KRT8: variants seen among roughly 807,000 people sequenced by gnomAD.
KRT8 encodes keratin 8.
In KRT8, 24 loss-of-function variants were observed where a neutral mutation model predicts 43.0. That is an observed-to-expected ratio of 0.56 (90% CI 0.40 to 0.78). KRT8 has a LOEUF of 0.78. Ranked by LOEUF, KRT8 falls within the 30% of genes least tolerant of loss-of-function variation. KRT8 has a pLI of 0.00. For synonymous variants in KRT8, 214 were observed against 261.2 expected, an observed-to-expected ratio of 0.82 and a Z score of 1.74; for missense variants, 492 against 638.4, an observed-to-expected ratio of 0.77 and a Z score of 2.47.
At chr12:52,940,412 G>T (rs1296607247) in intron 2 of KRT8, among the ~76,000 whole-genome samples, 1 of 131,210 alleles carries the variant, frequency 7.6e-6, no homozygotes, top group East Asian at 2.3e-4. Context: ...CAGCCTGGGC[G>T]ACAGAGCAAG....
chr12:52,931,657 C>CATATATATATATATATATATATAT (rs34460731), intron 2 of KRT8, among the ~76,000 whole-genome samples: 4 of 147,160 alleles, frequency 2.7e-5, no homozygotes, highest in African/African-American at 1.0e-4. Context: ...ATTGGCTCCC[C>CATATATATATATATATATATATAT]ATATATATAT....
At chr12:52,939,090 AAAAAG>A (rs1942226001) in intron 2 of KRT8, among the ~76,000 whole-genome samples, 1 of 152,198 alleles carries the variant, frequency 6.6e-6, no homozygotes, top group Non-Finnish European at 1.5e-5. Context: ...GTATCTTAAA[AAAAAG>A]TAAAATAAAA....
intron 2 of KRT8, among the ~76,000 whole-genome samples, chr12:52,934,495 G>A (rs955759996): frequency 3.9e-5 from 6 of 152,188 alleles, no homozygotes; most frequent in African/African-American, 1.4e-4. Context: ...AGTAGGCAGA[G>A]GTTGGAGTGA....
At chr12:52,948,373 C>T (rs1942383101) in intron 2 of KRT8, 1 of 152,452 alleles carries the variant, frequency 6.6e-6, no homozygotes, top group Non-Finnish European at 1.5e-5. Flanking sequence ...ACTCCTGGGG[C>T]TCCAGGATGC....
chr12:52,914,405 C>A (rs930455723), intron 2 of KRT8, among the ~76,000 whole-genome samples: 2 of 151,986 alleles, frequency 1.3e-5, no homozygotes, highest in African/African-American at 4.8e-5. Flanking sequence ...AGTATGGTGG[C>A]GCATGCCTGT....
intron 2 of KRT8, among the ~76,000 whole-genome samples, chr12:52,919,937 C>T (rs146324198): frequency 7.2e-5 from 11 of 152,240 alleles, no homozygotes; most frequent in Admixed American, 4.6e-4. Context: ...CGTGAGCCAC[C>T]GCACCTATTA....
At position 52,898,450 on chromosome 12, in the gene KRT8, G is replaced by C. The variant is rs1305787530; in HGVS notation, c.1261+11C>G. On this transcript the variant is annotated intron_variant, in intron 7 of 7. Transcript: ENST00000692008. ...CCTCCCGCCCTCATCCCAGGGCCCT[G>C]GGACACCCACCTGCATAGCCGCTGG... 6.6e-7 allele frequency: 1 copy of C among 1,514,498 alleles called. No homozygotes were observed. Among genetic ancestry groups the C allele is most frequent in the African/African-American group, 1.4e-5 (1 of 73,954 alleles). 93.8% of individuals were successfully genotyped at this position (1,514,498 alleles called of 1,614,324 possible).
chr12:52,919,357 C>T (rs1369490375), intron 2 of KRT8, among the ~76,000 whole-genome samples: 1 of 152,128 alleles, frequency 6.6e-6, no homozygotes, highest in Non-Finnish European at 1.5e-5. Flanking sequence ...ACCTTCGCTT[C>T]CCGGGTTCAA....
At chr12:52,922,595 C>A (rs539312839) in intron 2 of KRT8, among the ~76,000 whole-genome samples, 38 of 152,324 alleles carry the variant, frequency 2.5e-4, no homozygotes, top group African/African-American at 9.1e-4. Context: ...ATCGCTTGAA[C>A]CCAGGAGGCA....
chr12:52,930,441 G>A (rs554975317), intron 2 of KRT8, among the ~76,000 whole-genome samples: 16 of 152,238 alleles, frequency 1.1e-4, no homozygotes, highest in Admixed American at 4.6e-4. Context: ...GGCTGGTCTC[G>A]AACTCTCGAC....
chr12:52,937,475 C>T (rs994772369), intron 2 of KRT8, among the ~76,000 whole-genome samples: 1 of 151,484 alleles, frequency 6.6e-6, no homozygotes, highest in East Asian at 1.9e-4. Context: ...ATTGCTTGAG[C>T]TCAGGAGTTT....
chr12:52,902,678 G>T lies in KRT8; in HGVS notation c.325-606C>A, dbSNP rs557981402. 1.2e-4 allele frequency among the ~76,000 whole-genome samples: 18 copies of T among 151,910 alleles called. No individual in the cohort carries two copies. In the South Asian group the frequency reaches 3.1e-3, roughly 27 times the overall value. ...GCTGGGATTATAGGCGTAAGCCACC[G>T]CGCCCGGCCAAAAATAGCCAACCTT... On this transcript the variant is annotated intron_variant, in intron 1 of 7. Coordinates refer to ENST00000692008, the Ensembl canonical transcript of KRT8.
chr12:52,919,318 A>G (rs1941838964), intron 2 of KRT8, among the ~76,000 whole-genome samples: 1 of 152,064 alleles, frequency 6.6e-6, no homozygotes, highest in South Asian at 2.1e-4. Flanking sequence ...TCTGGAGTGC[A>G]TGTAGTGGCA....
At chr12:52,903,763 C>A (rs1941434913) in intron 1 of KRT8, 1 of 152,316 alleles carries the variant, frequency 6.6e-6, no homozygotes, top group Non-Finnish European at 1.5e-5. Context: ...CTTAACAGGA[C>A]GTAAACCCCG....
chr12:52,932,257 T>C (rs1942096718), intron 2 of KRT8, among the ~76,000 whole-genome samples: 1 of 151,858 alleles, frequency 6.6e-6, no homozygotes, highest in Non-Finnish European at 1.5e-5. Context: ...CCTGGCTAAT[T>C]TTTGTATTTT....
intron 2 of KRT8, chr12:52,946,833 C>T (rs1348280415): frequency 6.6e-6 from 1 of 152,318 alleles, no homozygotes; most frequent in East Asian, 1.9e-4. Flanking sequence ...CCCTGGCCAG[C>T]TTCCACCCTG....
At chr12:52,940,585 G>A (rs1345920877) in intron 2 of KRT8, among the ~76,000 whole-genome samples, 4 of 151,694 alleles carry the variant, frequency 2.6e-5, no homozygotes, top group African/African-American at 9.7e-5. Flanking sequence ...GAGGAGGTGT[G>A]GGGGTGAGCA....
At chr12:52,917,236 A>G (rs986163134) in intron 2 of KRT8, among the ~76,000 whole-genome samples, 2 of 151,856 alleles carry the variant, frequency 1.3e-5, no homozygotes, top group African/African-American at 4.8e-5. Flanking sequence ...GTAAAAAAAT[A>G]TATATATACA....
Position 52,899,720 on chromosome 12 carries a change from T to G in KRT8, c.981+55A>C. The G allele has an allele frequency of 2.0e-6, 3 of 1,496,856 alleles. No individual in the cohort carries two copies. In the South Asian group the frequency reaches 3.4e-5, roughly 17 times the overall value. The allele number at this position is 1,496,856 out of a possible 1,614,324, so 92.7% of individuals were successfully genotyped here. ...GAAACTTCACTCTTCCTACATTATC[T>G]CCTCTCACCAGGATGTGTCCAAGGA... On this transcript the variant is annotated intron_variant, in intron 5 of 7. Coordinates refer to ENST00000692008, the Ensembl canonical transcript of KRT8.
Sources: allele counts gnomAD v4.1 joint callset (sites outside exome capture counted in the v4.1 genomes callset), GRCh38; gene constraint gnomAD v4.1.1; transcripts MANE v1.5; gene names NCBI Gene and HGNC (gene_info 2026-07-23, HGNC 2026-07-21).